Variants in TWSG1 observed in about 807,000 individuals in gnomAD.
TWSG1 encodes twisted gastrulation protein homolog 1.
In TWSG1, 15 loss-of-function variants were observed where a neutral mutation model predicts 23.0. That is an observed-to-expected ratio of 0.65 (90% CI 0.44 to 1.00). TWSG1 has a LOEUF of 1.00. TWSG1 is among the 50% of genes least tolerant of loss of function. TWSG1 has a pLI of 0.00. For synonymous variants in TWSG1, 86 were observed against 92.8 expected (o/e 0.93, Z 0.42); for missense variants, 242 against 278.7 (o/e 0.87, Z 0.94).
intron 3 of TWSG1, among the ~76,000 whole-genome samples, chr18:9,390,711 A>G (rs1390519859): frequency 1.3e-5 from 2 of 152,224 alleles, no homozygotes; most frequent in Non-Finnish European, 2.9e-5. Flanking sequence ...TACCCACAGT[A>G]GAACTTCTTT....
intron 2 of TWSG1, among the ~76,000 whole-genome samples, chr18:9,344,529 G>GT (rs1368737266): frequency 3.3e-5 from 1 of 30,380 alleles, no homozygotes; most frequent in African/African-American, 8.3e-5. Context: ...GTGTATGTAT[G>GT]TATTTTTTTT....
intron 3 of TWSG1, 129 bp from the exon 4 acceptor site, chr18:9,396,151 A>G (rs1267293989): frequency 5.9e-6 from 2 of 339,236 alleles, no homozygotes; most frequent in Non-Finnish European, 9.4e-6. Flanking sequence ...ACCCAGCAAA[A>G]AAAAAAAAAA....
chr18:9,368,187 T>G (rs2040588302), intron 3 of TWSG1, among the ~76,000 whole-genome samples: 1 of 151,874 alleles, frequency 6.6e-6, no homozygotes, highest in Non-Finnish European at 1.5e-5. Context: ...AATATCTTAT[T>G]GTGGTGTTTT....
chr18:9,378,681 G>GATACTAA (rs1363946172), intron 3 of TWSG1, among the ~76,000 whole-genome samples: 2 of 152,182 alleles, frequency 1.3e-5, no homozygotes, highest in Admixed American at 1.3e-4. Flanking sequence ...TCACTTAAAT[G>GATACTAA]GTCATACTAG....
At position 9,360,087 on chromosome 18, in the gene TWSG1, G is replaced by A. The variant is rs765851917; in HGVS notation, c.223+16G>A. The stretch of plus-strand genomic sequence containing the variant: ...GACTGTGTTGGTAAGTTGATACCAA[G>A]GGAGACTTCTTAATATTTCTTATCA... On this transcript the variant is annotated intron_variant, in intron 3 of 4. Coordinates refer to ENST00000262120, the MANE Select transcript of TWSG1 (RefSeq NM_020648.6). 1 of 1,589,526 alleles carries A rather than the reference G, an allele frequency of 6.3e-7. No individual in the cohort carries two copies. Among genetic ancestry groups the A allele is most frequent in the East Asian group, 2.2e-5 (1 of 44,726 alleles).
intron 3 of TWSG1, among the ~76,000 whole-genome samples, chr18:9,374,238 G>A (rs78048962): frequency 0.091 from 13,791 of 151,926 alleles, 711 homozygotes; most frequent in African/African-American, 0.1. Flanking sequence ...AATAATCAAC[G>A]AAATCAAAAG....
intron 2 of TWSG1, among the ~76,000 whole-genome samples, chr18:9,343,633 G>T (rs907289316): frequency 6.6e-6 from 1 of 152,140 alleles, no homozygotes; most frequent in East Asian, 1.9e-4. Flanking sequence ...CTACATGCTT[G>T]TTCTGGACAT....
intron 2 of TWSG1, among the ~76,000 whole-genome samples, chr18:9,337,826 T>G (rs988469200): frequency 6.6e-6 from 1 of 152,222 alleles, no homozygotes; most frequent in Non-Finnish European, 1.5e-5. Flanking sequence ...TCTGAGGGCC[T>G]GGAATCTGGG....
chr18:9,362,815 T>TA (rs1038488213), intron 3 of TWSG1, among the ~76,000 whole-genome samples: 5 of 152,176 alleles, frequency 3.3e-5, no homozygotes, highest in African/African-American at 9.7e-5. Context: ...CTCATTTTTT[T>TA]AAAAAAAGCT....
intron 3 of TWSG1, among the ~76,000 whole-genome samples, chr18:9,372,743 C>T (rs1046296319): frequency 2.0e-5 from 3 of 150,940 alleles, no homozygotes; most frequent in African/African-American, 7.3e-5. Context: ...TCCAGGACAA[C>T]CACTAAAAAA....
At chr18:9,368,776 C>T (rs536457641) in intron 3 of TWSG1, among the ~76,000 whole-genome samples, 3 of 152,068 alleles carry the variant, frequency 2.0e-5, no homozygotes, top group Non-Finnish European at 2.9e-5. Context: ...GGTGAAACTC[C>T]GTCTCTACTA....
chr18:9,386,129 AC>A (rs1188301816), intron 3 of TWSG1, among the ~76,000 whole-genome samples: 1 of 150,754 alleles, frequency 6.6e-6, no homozygotes, highest in African/African-American at 2.4e-5. Flanking sequence ...AGATCGTGCC[AC>A]TGATGCCTGA....
intron 2 of TWSG1, among the ~76,000 whole-genome samples, chr18:9,338,070 G>A (rs756944774): frequency 5.2e-4 from 79 of 152,158 alleles, no homozygotes; most frequent in Non-Finnish European, 9.0e-4. Context: ...TTCCTTTCTA[G>A]TTGCAGGCTG....
chr18:9,348,794 G>C (rs930400719), intron 2 of TWSG1, among the ~76,000 whole-genome samples: 21 of 152,144 alleles, frequency 1.4e-4, no homozygotes, highest in African/African-American at 3.9e-4. Context: ...GAGAATTTAG[G>C]TTTCTTTTTG....
chr18:9,344,037 A>G (rs186743618), intron 2 of TWSG1, among the ~76,000 whole-genome samples: 9 of 152,256 alleles, frequency 5.9e-5, no homozygotes, highest in Admixed American at 3.3e-4. Flanking sequence ...AGTAGCTAGC[A>G]CTACAGGTGT....
intron 3 of TWSG1, among the ~76,000 whole-genome samples, chr18:9,376,832 CAAAAAA>C (rs59781624): frequency 9.9e-6 from 1 of 100,806 alleles, no homozygotes; most frequent in Non-Finnish European, 2.0e-5. Flanking sequence ...ACCCTGTCTC[CAAAAAA>C]AAAAAAAAAA....
At chr18:9,358,022 G>C (rs1435725797) in intron 2 of TWSG1, among the ~76,000 whole-genome samples, 1 of 152,062 alleles carries the variant, frequency 6.6e-6, no homozygotes, top group Non-Finnish European at 1.5e-5. Context: ...GGGCGTTTTT[G>C]GTTGGAAATA....
chr18:9,388,968 T>TTTTG (rs201782469), intron 3 of TWSG1, among the ~76,000 whole-genome samples: 19 of 152,084 alleles, frequency 1.2e-4, no homozygotes, highest in South Asian at 2.1e-4. Context: ...TTTTTTGGCT[T>TTTTG]TTTGTTTGTT....
intron 3 of TWSG1, among the ~76,000 whole-genome samples, chr18:9,382,395 T>C (rs1164923290): frequency 1.3e-5 from 2 of 152,028 alleles, no homozygotes; most frequent in Non-Finnish European, 2.9e-5. Context: ...TGGTGGCGCA[T>C]GCCTGTAGTC....
Sources: gnomAD v4.1 joint callset for allele counts (sites outside exome capture counted in the v4.1 genomes callset) on GRCh38, gnomAD v4.1.1 for gene constraint, MANE v1.5 for transcripts, NCBI Gene and HGNC (gene_info 2026-07-23, HGNC 2026-07-21) for gene names.